The following SI variants were observed in gnomAD, a reference collection of about 807,000 sequenced individuals.
SI encodes sucrase-isomaltase.
SI carries 235 observed loss-of-function variants against 253.3 expected under a neutral mutation model. That is an observed-to-expected ratio of 0.93 (90% CI 0.83 to 1.03). The LOEUF (loss-of-function observed/expected upper bound fraction) is 1.03. Ranked by LOEUF, SI falls within the 50% of genes least tolerant of loss-of-function variation. SI has a pLI of 0.00. For synonymous variants in SI, 819 were observed against 712.0 expected (o/e 1.15, Z -2.39); for missense variants, 2,442 against 2,211.1 (o/e 1.10, Z -2.09).
intron 23 of SI, among the ~76,000 whole-genome samples, 200 bp downstream of exon 23, chr3:165,033,195 C>T (rs1249547833): frequency 1.3e-5 from 2 of 151,374 alleles, no homozygotes; most frequent in Admixed American, 6.6e-5. Flanking sequence ...TGGTCACAAA[C>T]TTTATAAAAT....
At chr3:165,080,594 C>A (rs537073318), upstream of SI, among the ~76,000 whole-genome samples, 1 of 152,088 alleles carries the variant, frequency 6.6e-6, no homozygotes, top group South Asian at 2.1e-4. Flanking sequence ...GAGTTCATGT[C>A]CTTTGTAGGG....
intron 17 of SI, among the ~76,000 whole-genome samples, chr3:165,041,371 A>G (rs922377022): frequency 1.2e-4 from 18 of 152,126 alleles, no homozygotes; most frequent in African/African-American, 4.1e-4. Flanking sequence ...TAGAATTTTT[A>G]TCTTGTAAAT....
chr3:165,042,577 A>G (rs1239657509), intron 17 of SI, among the ~76,000 whole-genome samples: 2 of 152,058 alleles, frequency 1.3e-5, no homozygotes, highest in Non-Finnish European at 2.9e-5. Context: ...TTTTGTCTCT[A>G]TGCCAGTTCT....
intron 21 of SI, 130 bp downstream of exon 21, chr3:165,037,770 C>G: frequency 3.2e-6 from 2 of 633,612 alleles, no homozygotes; most frequent in Non-Finnish European, 2.8e-6. Flanking sequence ...GGTTATAGTT[C>G]AGTATTACCT....
At chr3:165,067,566 T>G in intron 5 of SI, 75 bp from the exon 6 acceptor site, 1 of 1,259,402 alleles carries the variant, frequency 7.9e-7, no homozygotes, top group Non-Finnish European at 1.2e-6. Flanking sequence ...AATTATTAAA[T>G]GCAAGTTCCA....
intron 22 of SI, among the ~76,000 whole-genome samples, chr3:165,034,564 A>G (rs1712425353): frequency 6.6e-6 from 1 of 152,008 alleles, no homozygotes; most frequent in Non-Finnish European, 1.5e-5. Context: ...TTTGGAATCT[A>G]ATCTCACAGG....
chr3:165,033,500 G>T (rs1576898637), intron 22 of SI, 56 bp from the exon 23 acceptor site: 5 of 1,390,580 alleles, frequency 3.6e-6, no homozygotes, highest in South Asian at 3.6e-5. Context: ...TCTCTGCTCT[G>T]GTTTTACACT....
chr3:165,019,838 G>T, intron 27 of SI, 68 bp from the exon 28 acceptor site: 1 of 1,321,286 alleles, frequency 7.6e-7, no homozygotes, highest in South Asian at 1.2e-5. Flanking sequence ...AAATAATAAC[G>T]GTAATTCTTT....
At chr3:164,999,805 A>G (rs1437076855) in intron 37 of SI, among the ~76,000 whole-genome samples, 2 of 151,826 alleles carry the variant, frequency 1.3e-5, no homozygotes, top group South Asian at 2.1e-4. Context: ...GCAACTAAAA[A>G]TGTGTTAAAC....
intron 25 of SI, among the ~76,000 whole-genome samples, chr3:165,025,032 A>G (rs1303597617): frequency 6.6e-6 from 1 of 151,104 alleles, no homozygotes; most frequent in East Asian, 1.9e-4. Flanking sequence ...GGCTTCCAGG[A>G]CCCAGCATGT....
At chr3:164,995,723 C>A (rs922445372) in intron 40 of SI, among the ~76,000 whole-genome samples, 1 of 151,736 alleles carries the variant, frequency 6.6e-6, no homozygotes, top group African/African-American at 2.4e-5. Flanking sequence ...CCTTTCTGAG[C>A]ACTTTTCCTA....
At chr3:165,080,201 A>G (rs1172238620), upstream of SI, among the ~76,000 whole-genome samples, 1 of 151,958 alleles carries the variant, frequency 6.6e-6, no homozygotes, top group Non-Finnish European at 1.5e-5. Flanking sequence ...TTTCCCTTTA[A>G]TTTTAGTTCT....
the SI span, among the ~76,000 whole-genome samples, chr3:165,086,020 G>A: frequency 5.3e-5 from 8 of 152,154 alleles, no homozygotes; most frequent in South Asian, 2.1e-4. Flanking sequence ...TTAGGAGGCC[G>A]AGGTGGGTGG....
intron 32 of SI, among the ~76,000 whole-genome samples, 162 bp downstream of exon 32, chr3:165,015,790 C>A (rs533162688): frequency 3.0e-4 from 45 of 152,116 alleles, no homozygotes; most frequent in African/African-American, 1.0e-3. Flanking sequence ...GATCACAACC[C>A]ATGCAAATAA....
chr3:165,064,106 A>G (rs1187164735), intron 7 of SI, among the ~76,000 whole-genome samples: 1 of 151,712 alleles, frequency 6.6e-6, no homozygotes, highest in Admixed American at 6.6e-5. Context: ...AAAAATAAAT[A>G]AAATAATAAC....
rs1167510472 is a variant in SI at position 165,059,183 on chromosome 3, T to C, written c.1263A>G (p.Lys421=). Residue 421 remains lysine, a synonymous_variant, in exon 11 of 48, where the codon AAA becomes AAG. Coordinates refer to ENST00000264382, the MANE Select transcript of SI (RefSeq NM_001041.4). ...TGATTATTACCAAGATGATGACATA[T>C]TTCTGTCCATGGTCATGCAAATCTT... ...FVQDLHDHGQ[K]YVIILDPAIS... is the part of the protein sequence containing the mutation. 5 of 1,612,720 alleles carry C rather than the reference T, an allele frequency of 3.1e-6. No individual in the cohort carries two copies. Among genetic ancestry groups the C allele is most frequent in the Non-Finnish European group, 4.2e-6 (5 of 1,179,234 alleles).
intron 13 of SI, among the ~76,000 whole-genome samples, chr3:165,054,938 C>T (rs529013597): frequency 1.6e-4 from 24 of 152,108 alleles, no homozygotes; most frequent in African/African-American, 5.3e-4. Context: ...CAAAACCTTG[C>T]ATACAGAAAT....
intron 25 of SI, among the ~76,000 whole-genome samples, chr3:165,029,567 G>GGT (rs1712112922): frequency 1.1e-5 from 1 of 90,844 alleles, no homozygotes; most frequent in Non-Finnish European, 2.6e-5. Flanking sequence ...AAAAAACTGT[G>GGT]GTGTATATAT....
chr3:165,013,108 A>G, intron 33 of SI, 66 bp from the exon 34 acceptor site: 1 of 937,176 alleles, frequency 1.1e-6, no homozygotes, highest in Non-Finnish European at 1.8e-6. Context: ...TGCTATGTAG[A>G]TGAAGTGTAA....
Sources: gnomAD v4.1 joint callset for allele counts (sites outside exome capture counted in the v4.1 genomes callset) on GRCh38, gnomAD v4.1.1 for gene constraint, MANE v1.5 for transcripts, NCBI Gene and HGNC (gene_info 2026-07-23, HGNC 2026-07-21) for gene names.